Variants in CFAP251 observed in about 807,000 individuals in gnomAD.
The protein encoded by CFAP251 is cilia and flagella associated protein 251.
A neutral mutation model predicts 126.7 loss-of-function variants in CFAP251; 93 were observed. The ratio of observed to expected loss-of-function variants is 0.73; its 90% CI spans 0.62 to 0.87. The LOEUF (loss-of-function observed/expected upper bound fraction) is 0.87. Among genes scored for constraint, CFAP251 ranks in the 40% least tolerant of loss-of-function variants. The pLI is 0.00. For missense variants in CFAP251, 1,287 were observed against 1,389.2 expected, an observed-to-expected ratio of 0.93 and a Z score of 1.17; for synonymous variants, 503 against 506.9, an observed-to-expected ratio of 0.99 and a Z score of 0.10.
intron 6 of CFAP251, 93 bp from the exon 7 acceptor site, chr12:121,942,802 T>C: frequency 1.4e-6 from 2 of 1,413,436 alleles, no homozygotes; most frequent in Non-Finnish European, 2.0e-6. Flanking sequence ...TGTCCTTAGT[T>C]ACTTGAAGTT....
intron 5 of CFAP251, among the ~76,000 whole-genome samples, chr12:121,941,122 C>G (rs896418473): frequency 2.6e-5 from 4 of 152,006 alleles, no homozygotes; most frequent in African/African-American, 4.8e-5. Flanking sequence ...ACTCCGCCTC[C>G]TGGGTTCAAG....
At chr12:121,939,999 A>G (rs1441810343) in intron 5 of CFAP251, among the ~76,000 whole-genome samples, 1 of 152,226 alleles carries the variant, frequency 6.6e-6, no homozygotes, top group African/African-American at 2.4e-5. Flanking sequence ...CATGGTACTT[A>G]AGTAATTACT....
chr12:121,931,717 G>A (rs1002718851), intron 3 of CFAP251, 29 bp from the exon 4 acceptor site: 4 of 1,521,418 alleles, frequency 2.6e-6, no homozygotes, highest in Middle Eastern at 1.8e-4. Flanking sequence ...ACGCTGTAAT[G>A]TCTTGCTGGC....
intron 19 of CFAP251, among the ~76,000 whole-genome samples, chr12:121,991,192 T>C (rs951751143): frequency 3.9e-5 from 6 of 152,224 alleles, no homozygotes; most frequent in African/African-American, 1.4e-4. Context: ...TCCATCTATC[T>C]ATCCATTCAG....
At chr12:121,986,797 G>A (rs1465879105) in intron 19 of CFAP251, among the ~76,000 whole-genome samples, 1 of 151,546 alleles carries the variant, frequency 6.6e-6, no homozygotes, top group Non-Finnish European at 1.5e-5. Context: ...AGCCCATCTA[G>A]GGGTTCTATA....
At chr12:121,983,957 A>G (rs2135806361) in intron 19 of CFAP251, among the ~76,000 whole-genome samples, 1 of 152,274 alleles carries the variant, frequency 6.6e-6, no homozygotes, top group East Asian at 1.9e-4. Context: ...TGGTTAATGA[A>G]ACATTTCCTA....
intron 9 of CFAP251, chr12:121,953,704 T>A (rs1881612654): frequency 5.5e-6 from 1 of 181,036 alleles, no homozygotes; most frequent in Admixed American, 5.4e-5. Context: ...CTTAAATATT[T>A]TCTACTGATG....
At chr12:121,931,612 T>A in intron 3 of CFAP251, 134 bp from the exon 4 acceptor site, 1 of 870,596 alleles carries the variant, frequency 1.1e-6, no homozygotes. Flanking sequence ...CACGCCTGGC[T>A]GAGGACTTTC....
At chr12:121,995,827 T>G (rs1288428252) in intron 19 of CFAP251, among the ~76,000 whole-genome samples, 5 of 152,198 alleles carry the variant, frequency 3.3e-5, no homozygotes, top group Admixed American at 2.6e-4. Context: ...CTGAAACTAC[T>G]AGGTGATTAC....
At chr12:121,969,034 C>T in intron 17 of CFAP251, 1 of 985,208 alleles carries the variant, frequency 1.0e-6, no homozygotes, top group Non-Finnish European at 1.2e-6. Flanking sequence ...TTCTCCAAGC[C>T]CCTGCGCTGC....
Position 121,931,897 on chromosome 12 carries a change from A to T in CFAP251, c.888+11A>T. On this transcript the variant is annotated intron_variant, in intron 4 of 21. Transcript: ENST00000288912. ...CAATACCACCTTCAGGTATGCAGGG[A>T]TTTCCTTCCTACAGGTGGGGGAGTT... The T allele has an allele frequency of 6.5e-7, 1 of 1,527,416 alleles. No homozygotes were observed. Among genetic ancestry groups the T allele is most frequent in the Non-Finnish European group, 8.8e-7 (1 of 1,138,784 alleles). The allele number at this position is 1,527,416 out of a possible 1,614,324, so 94.6% of individuals were successfully genotyped here. A position where few individuals can be genotyped will look rare whatever the true frequency, so the allele number is the denominator to read the frequency against.
intron 17 of CFAP251, chr12:121,969,068 C>T (rs926493157): frequency 3.0e-5 from 30 of 985,268 alleles, no homozygotes; most frequent in African/African-American, 3.5e-5. Flanking sequence ...GGGCCTCTCT[C>T]GGTAGTGTGA....
At position 121,960,714 on chromosome 12, in the gene CFAP251, A is replaced by G. The variant is rs763976372; in HGVS notation, c.2263A>G (p.Ser755Gly). The G allele has an allele frequency of 6.2e-7, 1 of 1,613,946 alleles. No individual in the cohort carries two copies. Among genetic ancestry groups the G allele is most frequent in the South Asian group, 1.1e-5 (1 of 91,070 alleles). Residue 755 changes from serine (S) to glycine (G), a missense_variant, in exon 14 of 22, where the codon AGC becomes GGC. Coordinates refer to ENST00000288912, the MANE Select transcript of CFAP251 (RefSeq NM_144668.6). ...RSLLFGVYLD[S>G]NEPRLLSLGT... ...TCTCCTGTTTGGGGTTTACCTGGAC[A>G]GCAATGAGCCTAGACTGCTGAGCCT...
chr12:121,958,940 C>T lies in CFAP251; in HGVS notation c.1982-3C>T. 1 of 1,579,538 alleles carries T rather than the reference C, an allele frequency of 6.3e-7. No homozygotes were observed. Among genetic ancestry groups the T allele is most frequent in the East Asian group, 2.2e-5 (1 of 44,724 alleles). On this transcript the variant is annotated splice_polypyrimidine_tract_variant and splice_region_variant and intron_variant, in intron 12 of 21. Transcript: ENST00000288912. The stretch of plus-strand genomic sequence containing the variant: ...TCCATCGTTCTCTGGCTTGTCATTT[C>T]AGGAGCCCTTCTTGGAGCTGGCTTT...
rs1211353361 is a variant in CFAP251, at chr12:121,957,073, G to A, written c.1536-1G>A. The A allele has an allele frequency of 1.3e-6, 2 of 1,578,904 alleles. No individual in the cohort carries two copies. Among genetic ancestry groups the A allele is most frequent in the Admixed American group, 1.9e-5 (1 of 52,966 alleles). ...AAAACTGATGTTATTCTCCATTTCA[G>A]CTACATTGTCACAGGTGACATTAAG... On this transcript the variant is annotated splice_acceptor_variant, in intron 10 of 21. Coordinates refer to ENST00000288912, the MANE Select transcript of CFAP251 (RefSeq NM_144668.6). LOFTEE classifies it high-confidence loss of function.
intron 3 of CFAP251, among the ~76,000 whole-genome samples, chr12:121,928,784 C>T (rs911989602): frequency 5.3e-5 from 8 of 150,980 alleles, no homozygotes; most frequent in Non-Finnish European, 8.8e-5. Flanking sequence ...GCAACCTCCA[C>T]CTCCTAGGCT....
chr12:121,993,728 T>C (rs1882939802), intron 19 of CFAP251, among the ~76,000 whole-genome samples: 7 of 144,974 alleles, frequency 4.8e-5, no homozygotes, highest in East Asian at 4.3e-4. Flanking sequence ...ACCCTCTGCC[T>C]GGCAACCACC....
chr12:121,957,571 A>G (rs997449178), intron 11 of CFAP251, among the ~76,000 whole-genome samples: 10 of 150,160 alleles, frequency 6.7e-5, no homozygotes, highest in Non-Finnish European at 1.2e-4. Flanking sequence ...GGGCGTGGTG[A>G]CGGGTGCCTG....
At chr12:122,002,698 C>T (rs886615195) in intron 21 of CFAP251, among the ~76,000 whole-genome samples, 1 of 152,108 alleles carries the variant, frequency 6.6e-6, no homozygotes, top group African/African-American at 2.4e-5. Flanking sequence ...TTCACCTTTT[C>T]GTGCACTGGA....
Sources: allele counts gnomAD v4.1 joint callset (sites outside exome capture counted in the v4.1 genomes callset), GRCh38; gene constraint gnomAD v4.1.1; transcripts MANE v1.5; gene names NCBI Gene and HGNC (gene_info 2026-07-23, HGNC 2026-07-21).